RAB38: variants seen among roughly 807,000 people sequenced by gnomAD.
The protein encoded by RAB38 is ras-related protein Rab-38.
In RAB38, 15 loss-of-function variants were observed where a neutral mutation model predicts 18.4. That is an observed-to-expected ratio of 0.82 (90% confidence interval 0.55 to 1.26). The LOEUF (loss-of-function observed/expected upper bound fraction) is 1.26. Ranked by LOEUF, RAB38 falls within the 50% of genes most tolerant of loss-of-function variation. The pLI is 0.00. For missense variants in RAB38, 294 were observed against 267.4 expected, an observed-to-expected ratio of 1.10 and a Z score of -0.69; for synonymous variants, 101 against 104.4, an observed-to-expected ratio of 0.97 and a Z score of 0.20.
At chr11:87,977,473 CATATATAATTATATATAAT>C in the RAB38 span, among the ~76,000 whole-genome samples, 1 of 41,752 alleles carries the variant, frequency 2.4e-5, no homozygotes, top group East Asian at 5.3e-4. Flanking sequence ...TTATATATTA[CATATATAATTATATATAAT>C]ATAATTTTAT....
chr11:87,803,942 C>G, the RAB38 span, among the ~76,000 whole-genome samples: 1 of 152,320 alleles, frequency 6.6e-6, no homozygotes, highest in Middle Eastern at 3.4e-3. Flanking sequence ...CTTTCTCTTT[C>G]TCTTTGATCT....
the RAB38 span, among the ~76,000 whole-genome samples, chr11:88,059,165 T>G: frequency 2.1e-5 from 2 of 97,086 alleles, no homozygotes; most frequent in Admixed American, 1.1e-4. Context: ...TAAAGTGTTG[T>G]GGGCATAAAA....
chr11:87,882,118 T>C, the RAB38 span, among the ~76,000 whole-genome samples: 4 of 151,906 alleles, frequency 2.6e-5, no homozygotes, highest in African/African-American at 4.8e-5. Context: ...GGTTTTCTAA[T>C]AGAATTTTAC....
chr11:88,104,262 TCTC>T, the RAB38 span, among the ~76,000 whole-genome samples: 1 of 151,996 alleles, frequency 6.6e-6, no homozygotes, highest in Non-Finnish European at 1.5e-5. Context: ...TCTTAATTGA[TCTC>T]CTTTTACTAG....
At chr11:87,857,956 G>A in the RAB38 span, among the ~76,000 whole-genome samples, 3 of 152,126 alleles carry the variant, frequency 2.0e-5, no homozygotes, top group African/African-American at 7.2e-5. Context: ...TGTCCTGAAT[G>A]CTATTGCCTA....
At chr11:87,953,218 G>C in the RAB38 span, among the ~76,000 whole-genome samples, 1 of 152,090 alleles carries the variant, frequency 6.6e-6, no homozygotes, top group Non-Finnish European at 1.5e-5. Context: ...ACATTCTCTG[G>C]GAAGAACAAT....
At chr11:87,890,337 T>C in the RAB38 span, among the ~76,000 whole-genome samples, 1 of 151,874 alleles carries the variant, frequency 6.6e-6, no homozygotes, top group African/African-American at 2.4e-5. Flanking sequence ...ACTTTCAACC[T>C]CTGTTTCCTT....
At chr11:87,963,747 A>C in the RAB38 span, among the ~76,000 whole-genome samples, 17 of 151,676 alleles carry the variant, frequency 1.1e-4, no homozygotes, top group Non-Finnish European at 2.9e-5. Context: ...CCCGGGTTCA[A>C]GTGATTCTCC....
chr11:88,033,725 C>CTTTTTTTTTTTT, the RAB38 span, among the ~76,000 whole-genome samples: 1 of 101,122 alleles, frequency 9.9e-6, no homozygotes, highest in Non-Finnish European at 1.8e-5. Flanking sequence ...GTTGTGTTGC[C>CTTTTTTTTTTTT]TTTTTTTTTT....
At chr11:87,960,100 A>C in the RAB38 span, among the ~76,000 whole-genome samples, 4 of 152,170 alleles carry the variant, frequency 2.6e-5, no homozygotes, top group Admixed American at 6.6e-5. Flanking sequence ...TATGAACCCA[A>C]ATCTTGTCTC....
chr11:87,977,887 T>TTA, the RAB38 span, among the ~76,000 whole-genome samples: 2 of 112,274 alleles, frequency 1.8e-5, no homozygotes, highest in Non-Finnish European at 3.3e-5. Flanking sequence ...AAAGATGTAG[T>TTA]CATAGATTTA....
the RAB38 span, chr11:87,879,371 G>A: frequency 6.6e-6 from 1 of 151,496 alleles, no homozygotes; most frequent in South Asian, 2.1e-4. Context: ...AACATGTGGG[G>A]CATGGGGGTG....
the RAB38 span, among the ~76,000 whole-genome samples, chr11:87,975,304 C>T: frequency 2.6e-5 from 4 of 151,848 alleles, no homozygotes; most frequent in Admixed American, 6.6e-5. Flanking sequence ...TAGGCGGATA[C>T]GACTCAGCCC....
the RAB38 span, among the ~76,000 whole-genome samples, chr11:88,049,555 G>A: frequency 2.0e-5 from 3 of 151,962 alleles, no homozygotes; most frequent in Admixed American, 2.0e-4. Context: ...GACTCAGCCC[G>A]CCTGCACCCA....
chr11:87,809,656 G>C, the RAB38 span, among the ~76,000 whole-genome samples: 12 of 151,130 alleles, frequency 7.9e-5, no homozygotes, highest in Middle Eastern at 3.4e-3. Context: ...AGAATAATCA[G>C]AGGAAGCAGA....
chr11:88,144,276 G>A (rs1942952779), intron 2 of RAB38, among the ~76,000 whole-genome samples: 1 of 152,198 alleles, frequency 6.6e-6, no homozygotes, highest in Non-Finnish European at 1.5e-5. Context: ...AATTAAGTCA[G>A]TGGAGGTATA....
At chr11:87,889,828 TTTG>T in the RAB38 span, among the ~76,000 whole-genome samples, 4 of 151,924 alleles carry the variant, frequency 2.6e-5, no homozygotes, top group East Asian at 2.0e-4. Context: ...GTGGTTTTTT[TTTG>T]TTGTTGTTAT....
At chr11:87,962,277 C>T in the RAB38 span, among the ~76,000 whole-genome samples, 2 of 152,158 alleles carry the variant, frequency 1.3e-5, no homozygotes, top group Non-Finnish European at 2.9e-5. Context: ...AAACCGAGTC[C>T]ACTTTCCTTT....
the RAB38 span, among the ~76,000 whole-genome samples, chr11:88,059,319 TC>T: frequency 6.6e-6 from 1 of 152,172 alleles, no homozygotes; most frequent in Non-Finnish European, 1.5e-5. Context: ...ATATTATACT[TC>T]CCTCTGGCTT....
Sources: allele counts gnomAD v4.1 joint callset (sites outside exome capture counted in the v4.1 genomes callset), GRCh38; gene constraint gnomAD v4.1.1; transcripts MANE v1.5; gene names NCBI Gene and HGNC (gene_info 2026-07-23, HGNC 2026-07-21).